Variants in PALM2AKAP2 observed in about 807,000 individuals in gnomAD.
The protein encoded by PALM2AKAP2 is PALM2-AKAP2 fusion protein.
Under a neutral mutation model 71.5 loss-of-function variants are expected in PALM2AKAP2, and 37 were observed. The observed-to-expected ratio is 0.52, with a 90% CI of 0.40 to 0.68. The LOEUF is 0.68. Among genes scored for constraint, PALM2AKAP2 ranks in the 30% least tolerant of loss-of-function variants. PALM2AKAP2 has a pLI of 0.00. For missense variants in PALM2AKAP2, 1,224 were observed against 1,191.8 expected, an observed-to-expected ratio of 1.03 and a Z score of -0.40; for synonymous variants, 468 against 478.8, an observed-to-expected ratio of 0.98 and a Z score of 0.29.
chr9:109,859,558 T>G (rs764525602), intron 1 of PALM2AKAP2, among the ~76,000 whole-genome samples: 71 of 152,216 alleles, frequency 4.7e-4, no homozygotes, highest in Non-Finnish European at 9.3e-4. Context: ...AAATATCATA[T>G]GTCAATAAAA....
chr9:109,648,310 A>G (rs1360565857), intron 1 of PALM2AKAP2, among the ~76,000 whole-genome samples: 1 of 152,156 alleles, frequency 6.6e-6, no homozygotes, highest in African/African-American at 2.4e-5. Context: ...TGTTAGTTTT[A>G]TGTTTTCAAA....
Position 109,667,728 on chromosome 9 carries a change from G to A in PALM2AKAP2, c.5+26862G>A, listed in dbSNP as rs181184298. Among the ~76,000 whole-genome samples, 449 of 152,258 alleles carry A rather than the reference G, an allele frequency of 2.9e-3. 5 individuals carry two copies. Among genetic ancestry groups the A allele is most frequent in the Non-Finnish European group, 6.2e-4 (42 of 68,008 alleles). The stretch of plus-strand genomic sequence containing the variant: ...GAATCACTTGACACTGGGAGGCAGA[G>A]GTTGCAGTGAGCCAAGATGTTGCCA... On this transcript the variant is annotated intron_variant, in intron 1 of 6. Coordinates refer to the PALM2AKAP2 transcript ENST00000374531.
chr9:109,799,080 G>A (rs556727575), intron 1 of PALM2AKAP2, among the ~76,000 whole-genome samples: 1 of 152,336 alleles, frequency 6.6e-6, no homozygotes, highest in African/African-American at 2.4e-5. Flanking sequence ...CCCCAAGAGG[G>A]CAAAAAGCAG....
intron 6 of PALM2AKAP2, among the ~76,000 whole-genome samples, chr9:109,984,827 G>A (rs925225442): frequency 6.6e-5 from 10 of 151,610 alleles, no homozygotes; most frequent in African/African-American, 1.5e-4. Flanking sequence ...CACTATGATC[G>A]TGCCACTGCC....
chr9:110,136,148 G>C, exon 2 of PALM2AKAP2: 1 of 1,590,686 alleles, frequency 6.3e-7, no homozygotes, highest in Non-Finnish European at 8.5e-7. Context: ...GCTTTCTGAG[G>C]ATGATATCTG....
intron 1 of PALM2AKAP2, among the ~76,000 whole-genome samples, chr9:109,678,435 C>T (rs771689189): frequency 3.7e-4 from 57 of 152,204 alleles, no homozygotes; most frequent in Non-Finnish European, 2.2e-4. Context: ...AGATGATTCC[C>T]ATTTCACTTT....
At chr9:109,955,112 A>G (rs1318517557) in intron 6 of PALM2AKAP2, among the ~76,000 whole-genome samples, 1 of 152,092 alleles carries the variant, frequency 6.6e-6, no homozygotes, top group East Asian at 1.9e-4. Flanking sequence ...CCCCTAATCT[A>G]CCATCATTCA....
chr9:110,123,138 T>G (rs1588121933), intron 1 of PALM2AKAP2, among the ~76,000 whole-genome samples: 1 of 152,340 alleles, frequency 6.6e-6, no homozygotes, highest in Middle Eastern at 3.4e-3. Context: ...TGTGTGTTTT[T>G]GTGTGCATGC....
At chr9:109,839,183 C>T (rs1828579617) in intron 1 of PALM2AKAP2, among the ~76,000 whole-genome samples, 1 of 152,156 alleles carries the variant, frequency 6.6e-6, no homozygotes, top group Admixed American at 6.5e-5. Flanking sequence ...AAAGCTTATC[C>T]ACCATGATCA....
At chr9:109,883,361 T>G (rs1347214836) in intron 3 of PALM2AKAP2, among the ~76,000 whole-genome samples, 2 of 152,168 alleles carry the variant, frequency 1.3e-5, no homozygotes, top group Non-Finnish European at 2.9e-5. Context: ...GAGGCCTGGA[T>G]TCAGGGGCCA....
At chr9:110,096,366 C>T (rs971873194) in intron 1 of PALM2AKAP2, among the ~76,000 whole-genome samples, 7 of 151,954 alleles carry the variant, frequency 4.6e-5, no homozygotes, top group African/African-American at 9.7e-5. Flanking sequence ...TGGGCTCAAG[C>T]GATCCTTCCA....
At chr9:109,833,480 C>T (rs1243805345) in intron 1 of PALM2AKAP2, among the ~76,000 whole-genome samples, 1 of 152,182 alleles carries the variant, frequency 6.6e-6, no homozygotes, top group Non-Finnish European at 1.5e-5. Flanking sequence ...AGCTCCCAGT[C>T]CAGCTAAGAA....
intron 6 of PALM2AKAP2, among the ~76,000 whole-genome samples, chr9:109,958,562 A>G (rs1831790098): frequency 6.6e-6 from 1 of 152,134 alleles, no homozygotes; most frequent in Non-Finnish European, 1.5e-5. Context: ...TCTATAATTT[A>G]AAAAGAAAGG....
intron 1 of PALM2AKAP2, among the ~76,000 whole-genome samples, chr9:109,670,837 T>G (rs1196769100): frequency 6.6e-6 from 1 of 152,206 alleles, no homozygotes; most frequent in African/African-American, 2.4e-5. Flanking sequence ...TGGTATCTCA[T>G]TATGTTTTTG....
At chr9:109,733,772 T>G (rs923978878) in intron 1 of PALM2AKAP2, among the ~76,000 whole-genome samples, 2 of 152,226 alleles carry the variant, frequency 1.3e-5, no homozygotes, top group Non-Finnish European at 2.9e-5. Flanking sequence ...GATTCTTTTT[T>G]CTTTTTACTG....
At chr9:109,743,496 C>T (rs566261951) in intron 1 of PALM2AKAP2, among the ~76,000 whole-genome samples, 7 of 152,228 alleles carry the variant, frequency 4.6e-5, no homozygotes, top group African/African-American at 1.2e-4. Flanking sequence ...TGAAGCCAAC[C>T]CCATACCATG....
At chr9:109,841,460 A>G (rs1250080550) in intron 1 of PALM2AKAP2, among the ~76,000 whole-genome samples, 13 of 132,626 alleles carry the variant, frequency 9.8e-5, no homozygotes, top group Admixed American at 1.6e-4. Flanking sequence ...GCACATGTAT[A>G]CCTATGTAGC....
rs369988886 is a variant in PALM2AKAP2, at chr9:109,891,591, C to T, written c.257+10910C>T. 1.4e-3 allele frequency among the ~76,000 whole-genome samples: 210 copies of T among 152,156 alleles called. 1 individual carries two copies. Among genetic ancestry groups the T allele is most frequent in the African/African-American group, 4.8e-3 (201 of 41,500 alleles). ...CAACCTCCCATCTCCTGGATTCAAG[C>T]GATTCTCTCCTGTCTCAGCCTCCTG... is the stretch of plus-strand genomic sequence containing the variant. On this transcript the variant is annotated intron_variant, in intron 3 of 9. Transcript: ENST00000302798.
chr9:109,841,158 G>T (rs367585492), intron 1 of PALM2AKAP2, among the ~76,000 whole-genome samples: 1 of 152,072 alleles, frequency 6.6e-6, no homozygotes, highest in Non-Finnish European at 1.5e-5. Context: ...AAATGTGGCA[G>T]ATATACACCA....
Sources: gnomAD v4.1 joint callset for allele counts (sites outside exome capture counted in the v4.1 genomes callset) on GRCh38, gnomAD v4.1.1 for gene constraint, MANE v1.5 for transcripts, NCBI Gene and HGNC (gene_info 2026-07-23, HGNC 2026-07-21) for gene names.